Variants in PDGFD observed in about 807,000 individuals in gnomAD.
PDGFD encodes the protein platelet derived growth factor D, also known as platelet-derived growth factor D.
A neutral mutation model predicts 44.7 loss-of-function variants in PDGFD; 30 were observed. The ratio of observed to expected loss-of-function variants is 0.67; its 90% CI spans 0.50 to 0.91. The LOEUF (loss-of-function observed/expected upper bound fraction) is 0.91, where lower values mean the gene tolerates loss of function less well. PDGFD is among the 40% of genes least tolerant of loss of function. The pLI is 0.00. For missense variants in PDGFD, 445 were observed against 457.8 expected, an observed-to-expected ratio of 0.97 and a Z score of 0.25; for synonymous variants, 173 against 168.4, an observed-to-expected ratio of 1.03 and a Z score of -0.21.
intron 1 of PDGFD, among the ~76,000 whole-genome samples, chr11:104,098,050 C>G (rs527378040): frequency 1.3e-5 from 2 of 152,224 alleles, no homozygotes; most frequent in South Asian, 2.1e-4. Context: ...CCGTGAAATG[C>G]CACAACAAAT....
At chr11:104,091,733 C>A (rs73608375) in intron 1 of PDGFD, among the ~76,000 whole-genome samples, 5 of 152,050 alleles carry the variant, frequency 3.3e-5, no homozygotes, top group Non-Finnish European at 5.9e-5. Flanking sequence ...ATTATAATAG[C>A]CATTATATAA....
intron 6 of PDGFD, among the ~76,000 whole-genome samples, chr11:103,914,213 C>T (rs1370038062): frequency 1.3e-5 from 2 of 152,126 alleles, no homozygotes; most frequent in African/African-American, 4.8e-5. Flanking sequence ...GGAGCCAGTG[C>T]CAGGGAGTGA....
rs1591083904 is a variant in PDGFD, at chr11:103,936,775, AAG to A, written c.772+6675_772+6676del. Among the ~76,000 whole-genome samples, 3 of 152,142 alleles carry A rather than the reference AAG, an allele frequency of 2.0e-5. No homozygotes were observed. The East Asian group carries it at 5.8e-4, about 29-fold the overall frequency. Reference sequence around the variant, plus strand: ...CATCATTTGGAACTAATTTAGTATCAAGATGTTTACTGCACTCAATATTAAAA... The same window carrying A: ...CATCATTTGGAACTAATTTAGTATCAATGTTTACTGCACTCAATATTAAAA... On this transcript the variant is annotated intron_variant, in intron 5 of 6. Coordinates refer to ENST00000393158, the MANE Select transcript of PDGFD (RefSeq NM_025208.5).
chr11:104,056,803 C>A (rs568477967), intron 1 of PDGFD, among the ~76,000 whole-genome samples: 15 of 152,176 alleles, frequency 9.9e-5, no homozygotes, highest in Admixed American at 7.2e-4. Context: ...TAGCAGTGAA[C>A]CCTTGGAAAT....
intron 1 of PDGFD, among the ~76,000 whole-genome samples, chr11:104,090,628 C>A (rs1199830162): frequency 5.9e-5 from 8 of 134,622 alleles, no homozygotes; most frequent in African/African-American, 1.6e-4. Flanking sequence ...GACCCTGTCT[C>A]AAAAAAAAAA....
At chr11:104,037,277 C>T in intron 1 of PDGFD, 1 of 1,613,418 alleles carries the variant, frequency 6.2e-7, no homozygotes, top group African/African-American at 1.3e-5. Context: ...ATGCTGCTCT[C>T]CAACCCCCAC....
At chr11:104,000,024 AC>A (rs753245917) in intron 2 of PDGFD, 26 bp downstream of exon 2, 1 of 1,563,404 alleles carries the variant, frequency 6.4e-7, no homozygotes, top group African/African-American at 1.4e-5. Flanking sequence ...TTGAAATAGT[AC>A]CGTAAAAATT....
At chr11:104,055,727 T>C (rs1860608626) in intron 1 of PDGFD, among the ~76,000 whole-genome samples, 1 of 152,168 alleles carries the variant, frequency 6.6e-6, no homozygotes, top group Admixed American at 6.5e-5. Context: ...ATTTCCCCAG[T>C]TTGAGTGCTT....
At chr11:104,084,670 TATG>T (rs1421421024) in intron 1 of PDGFD, among the ~76,000 whole-genome samples, 5 of 146,548 alleles carry the variant, frequency 3.4e-5, no homozygotes, top group Admixed American at 6.9e-5. Context: ...TTATATAAAT[TATG>T]ATAAAATAAT....
intron 3 of PDGFD, among the ~76,000 whole-genome samples, chr11:103,973,226 C>T (rs1480649417): frequency 6.6e-6 from 1 of 151,376 alleles, no homozygotes; most frequent in African/African-American, 2.4e-5. Flanking sequence ...GCAAGCTCCA[C>T]CTCCCGGGTT....
intron 3 of PDGFD, among the ~76,000 whole-genome samples, chr11:103,973,427 G>A (rs72986855): frequency 2.0e-5 from 3 of 151,884 alleles, no homozygotes; most frequent in Non-Finnish European, 2.9e-5. Flanking sequence ...GAATACAGGC[G>A]TGAGAAAAGT....
At chr11:103,916,414 T>C (rs1334594311) in intron 6 of PDGFD, among the ~76,000 whole-genome samples, 2 of 152,076 alleles carry the variant, frequency 1.3e-5, no homozygotes, top group East Asian at 1.9e-4. Context: ...GTTAGAATGG[T>C]GATCACTAAA....
intron 1 of PDGFD, among the ~76,000 whole-genome samples, chr11:104,024,100 C>T (rs920428741): frequency 3.9e-5 from 6 of 152,114 alleles, no homozygotes; most frequent in African/African-American, 1.4e-4. Flanking sequence ...TGAAGAGGTG[C>T]TTTCCTTTGG....
chr11:103,995,385 T>C (rs1859519735), intron 3 of PDGFD, among the ~76,000 whole-genome samples: 1 of 152,202 alleles, frequency 6.6e-6, no homozygotes, highest in Non-Finnish European at 1.5e-5. Context: ...ACGACTAAAA[T>C]TAACTACAAT....
At chr11:104,107,950 T>C (rs1411509693) in intron 1 of PDGFD, among the ~76,000 whole-genome samples, 1 of 152,124 alleles carries the variant, frequency 6.6e-6, no homozygotes, top group African/African-American at 2.4e-5. Context: ...GTCCGTATCA[T>C]CAGCTACATA....
intron 3 of PDGFD, among the ~76,000 whole-genome samples, chr11:103,976,731 G>T (rs983038028): frequency 6.6e-6 from 1 of 151,878 alleles, no homozygotes; most frequent in Non-Finnish European, 1.5e-5. Flanking sequence ...AAACTATTAA[G>T]ATAGTTTATT....
intron 1 of PDGFD, among the ~76,000 whole-genome samples, chr11:104,029,660 A>C (rs67576530): frequency 6.6e-6 from 1 of 152,188 alleles, no homozygotes; most frequent in South Asian, 2.1e-4. Flanking sequence ...CTGACCCAAA[A>C]TGTCACCATA....
At chr11:103,972,523 C>T (rs1019179925) in intron 3 of PDGFD, among the ~76,000 whole-genome samples, 1 of 152,112 alleles carries the variant, frequency 6.6e-6, no homozygotes, top group Non-Finnish European at 1.5e-5. Flanking sequence ...GAAACGTTAG[C>T]CAGTCACTAT....
intron 1 of PDGFD, among the ~76,000 whole-genome samples, chr11:104,052,459 A>T (rs1860555480): frequency 6.6e-6 from 1 of 152,208 alleles, no homozygotes; most frequent in African/African-American, 2.4e-5. Context: ...AGTGACATTT[A>T]GATATTCACT....
Sources: allele counts gnomAD v4.1 joint callset (sites outside exome capture counted in the v4.1 genomes callset), GRCh38; gene constraint gnomAD v4.1.1; transcripts MANE v1.5; gene names NCBI Gene and HGNC (gene_info 2026-07-23, HGNC 2026-07-21).